The following HSPD1 variants were observed in gnomAD, a reference collection of about 807,000 sequenced individuals.
HSPD1 encodes the protein 60 kDa heat shock protein, mitochondrial.
In HSPD1, 3 loss-of-function variants were observed where a neutral mutation model predicts 53.0. The ratio of observed to expected loss-of-function variants is 0.06; its 90% confidence interval spans 0.03 to 0.15. The LOEUF is 0.15. Among genes scored for constraint, HSPD1 ranks in the 10% least tolerant of loss-of-function variants. HSPD1 has a pLI of 1.00. For synonymous variants in HSPD1, 200 were observed against 228.0 expected (o/e 0.88, Z 1.10); for missense variants, 431 against 694.1 (o/e 0.62, Z 4.26).
At chr2:197,498,602 G>T in intron 2 of HSPD1, 73 bp downstream of exon 2, 1 of 1,313,404 alleles carries the variant, frequency 7.6e-7, no homozygotes, top group Non-Finnish European at 1.1e-6. Flanking sequence ...CTGTTGAATA[G>T]TTCAGTGCGA....
At chr2:197,488,912 A>T in intron 9 of HSPD1, 90 bp downstream of exon 9, 1 of 1,299,630 alleles carries the variant, frequency 7.7e-7, no homozygotes, top group Non-Finnish European at 1.1e-6. Flanking sequence ...GTATTCGTTT[A>T]GTTCTATGGT....
intron 2 of HSPD1, 85 bp from the exon 3 acceptor site, chr2:197,497,477 A>G: frequency 7.4e-7 from 1 of 1,350,316 alleles, no homozygotes; most frequent in Non-Finnish European, 1.1e-6. Flanking sequence ...TAATAAAGCA[A>G]CTACTTCAAA....
intron 10 of HSPD1, 137 bp from the exon 11 acceptor site, chr2:197,488,173 T>C: frequency 1.0e-6 from 1 of 994,972 alleles, no homozygotes; most frequent in African/African-American, 1.6e-5. Context: ...AAAGATGTGA[T>C]GCATGTTTAG....
rs575937049 is a variant in HSPD1, at chr2:197,489,554, G to A, written c.970-307C>T. On this transcript the variant is annotated intron_variant, in intron 8 of 11. Coordinates refer to ENST00000388968, the MANE Select transcript of HSPD1 (RefSeq NM_002156.5). Reference sequence around the variant, plus strand: ...TTGACTCTCAAGTCCTACATCCCTTGTAGCATACACTTCTACCTTTCAAAA... The same window carrying A: ...TTGACTCTCAAGTCCTACATCCCTTATAGCATACACTTCTACCTTTCAAAA... Among the ~76,000 whole-genome samples the A allele has an allele frequency of 2.6e-5, 4 of 152,272 alleles. No individual in the cohort carries two copies. The South Asian group carries it at 8.3e-4, about 32-fold the overall frequency.
Position 197,498,845 on chromosome 2 carries a change from G to C in HSPD1, c.4C>G (p.Leu2Val). 6.2e-7 allele frequency: 1 copy of C among 1,614,124 alleles called. No homozygotes were observed. The highest frequency in any genetic ancestry group is 8.5e-7 in the Non-Finnish European group (1 of 1,180,002). ...TGGCGAAAGACTGTGGGTAACCGAA[G>C]CATTTCTGGGGATGGAAGCAAAAAG... is the stretch of plus-strand genomic sequence containing the variant. The part of the protein sequence containing the change: M[L>V]RLPTVFRQMR... Residue 2 changes from leucine to valine, a missense_variant, in exon 2 of 12, where the codon CTT becomes GTT. Leu to Val is a conservative substitution (Grantham distance 32). Around this residue, in one of 2 missense-constraint regions of HSPD1, gnomAD observed 45 missense variants for 36.5 expected, o/e 1.23. Coordinates refer to ENST00000388968, the MANE Select transcript of HSPD1 (RefSeq NM_002156.5).
chr2:197,499,030 G>T, intron 1 of HSPD1, 180 bp from the exon 2 acceptor site: 1 of 669,830 alleles, frequency 1.5e-6, no homozygotes, highest in Non-Finnish European at 2.7e-6. Flanking sequence ...ACTAGCGCAA[G>T]CTAAAGAGGC....
intron 7 of HSPD1, 101 bp from the exon 8 acceptor site, chr2:197,490,397 A>C: frequency 1.1e-6 from 1 of 888,362 alleles, no homozygotes; most frequent in Admixed American, 2.2e-5. Context: ...TCCCTAAGTA[A>C]TCTGGTTTGG....
chr2:197,491,052 T>C (rs772331039), intron 7 of HSPD1, among the ~76,000 whole-genome samples: 1 of 152,110 alleles, frequency 6.6e-6, no homozygotes, highest in Non-Finnish European at 1.5e-5. Context: ...TCTATTTTAT[T>C]AAGGACCCAA....
chr2:197,494,080 C>T lies in HSPD1; in HGVS notation c.700+77G>A. Reference sequence around the variant, plus strand: ...GCCACCACATCATGCCACTGCACTCCAGCCGGGGCAACAGAGAATGAGACT... The same window carrying T: ...GCCACCACATCATGCCACTGCACTCTAGCCGGGGCAACAGAGAATGAGACT... On this transcript the variant is annotated intron_variant, in intron 6 of 11. Coordinates refer to ENST00000388968, the MANE Select transcript of HSPD1 (RefSeq NM_002156.5). 3.4e-5 allele frequency: 26 copies of T among 769,576 alleles called. 1 individual carries two copies. Among genetic ancestry groups the T allele is most frequent in the South Asian group, 3.2e-4 (22 of 67,766 alleles). 47.7% of individuals were successfully genotyped at this position (769,576 alleles called of 1,614,324 possible).
chr2:197,496,802 T>G (rs933155858), intron 3 of HSPD1: 2 of 328,722 alleles, frequency 6.1e-6, no homozygotes, highest in Non-Finnish European at 5.8e-6. Flanking sequence ...GGAATGGTGG[T>G]GAGTGCCTGT....
intron 11 of HSPD1, among the ~76,000 whole-genome samples, chr2:197,487,444 G>T (rs1223386023): frequency 6.6e-6 from 1 of 152,194 alleles, no homozygotes; most frequent in Non-Finnish European, 1.5e-5. Context: ...CTACTCAGGA[G>T]CCTGAGGCAG....
At chr2:197,496,981 C>T (rs2106078943) in intron 3 of HSPD1, 159 bp downstream of exon 3, 1 of 733,254 alleles carries the variant, frequency 1.4e-6, no homozygotes, top group Admixed American at 2.1e-5. Context: ...TACAGCCAAG[C>T]TTGCTAAAGG....
chr2:197,490,410 T>TC, intron 7 of HSPD1, 114 bp from the exon 8 acceptor site: 2 of 714,304 alleles, frequency 2.8e-6, no homozygotes, highest in Middle Eastern at 2.4e-4. Context: ...TGGTTTGGTT[T>TC]TTGTGTTTTT....
intron 2 of HSPD1, among the ~76,000 whole-genome samples, chr2:197,497,907 ATGT>A (rs1213182968): frequency 6.6e-6 from 1 of 152,198 alleles, no homozygotes; most frequent in Non-Finnish European, 1.5e-5. Flanking sequence ...AGGTGTGCAA[ATGT>A]TGTATTTTAG....
chr2:197,487,262 T>G, intron 11 of HSPD1, 64 bp from the exon 12 acceptor site: 2 of 1,468,346 alleles, frequency 1.4e-6, no homozygotes, highest in Non-Finnish European at 1.9e-6. Context: ...TATTGAAAAT[T>G]TCTGTCTGGG....
chr2:197,496,002 A>C (rs2086152797), intron 3 of HSPD1, among the ~76,000 whole-genome samples: 1 of 152,324 alleles, frequency 6.6e-6, no homozygotes, highest in South Asian at 2.1e-4. Flanking sequence ...GGTCCACGAC[A>C]CTTCTCATGT....
At chr2:197,497,488 G>T in intron 2 of HSPD1, 96 bp from the exon 3 acceptor site, 1 of 1,239,590 alleles carries the variant, frequency 8.1e-7, no homozygotes, top group Non-Finnish European at 1.2e-6. Flanking sequence ...CTACTTCAAA[G>T]TCTCAACGTA....
At chr2:197,498,404 C>T (rs1464491888) in intron 2 of HSPD1, among the ~76,000 whole-genome samples, 2 of 152,174 alleles carry the variant, frequency 1.3e-5, no homozygotes, top group African/African-American at 4.8e-5. Flanking sequence ...GAAATTCTAC[C>T]TCGAGTTTAA....
chr2:197,493,990 T>A (rs1247464171), intron 6 of HSPD1, among the ~76,000 whole-genome samples, 167 bp downstream of exon 6: 1 of 152,102 alleles, frequency 6.6e-6, no homozygotes. Flanking sequence ...TAATCCCAGC[T>A]ACTTGGGAGA....
Sources: allele counts gnomAD v4.1 joint callset (sites outside exome capture counted in the v4.1 genomes callset), GRCh38; gene constraint gnomAD v4.1.1; regional missense constraint gnomAD v4.1.1; transcripts MANE v1.5; gene names NCBI Gene and HGNC (gene_info 2026-07-23, HGNC 2026-07-21).